Variants in PANX1 observed in about 807,000 individuals in gnomAD.
PANX1 encodes pannexin 1.
A neutral mutation model predicts 38.7 loss-of-function variants in PANX1; 30 were observed. The ratio of observed to expected loss-of-function variants is 0.78; its 90% CI spans 0.58 to 1.05. The LOEUF is 1.05. Among genes scored for constraint, PANX1 ranks in the 50% least tolerant of loss-of-function variants. PANX1 has a pLI of 0.00. For missense variants in PANX1, 551 were observed against 517.2 expected, an observed-to-expected ratio of 1.07 and a Z score of -0.63; for synonymous variants, 230 against 212.2, an observed-to-expected ratio of 1.08 and a Z score of -0.73.
intron 2 of PANX1, among the ~76,000 whole-genome samples, chr11:94,162,537 CTGGTG>C (rs1947056217): frequency 1.3e-5 from 2 of 152,226 alleles, no homozygotes. Flanking sequence ...ATATAATCTT[CTGGTG>C]TGCCATTTGC....
chr11:94,155,980 T>C (rs888583486), intron 2 of PANX1, among the ~76,000 whole-genome samples: 1 of 152,220 alleles, frequency 6.6e-6, no homozygotes, highest in Non-Finnish European at 1.5e-5. Context: ...TGTTGTAGTT[T>C]AAGTTCGTTT....
At chr11:94,131,756 A>G (rs2134470288) in intron 1 of PANX1, among the ~76,000 whole-genome samples, 1 of 152,328 alleles carries the variant, frequency 6.6e-6, no homozygotes, top group South Asian at 2.1e-4. Flanking sequence ...AGAAGAGGGG[A>G]GAGGTACATA....
At chr11:94,148,803 A>G (rs1946853135) in intron 1 of PANX1, among the ~76,000 whole-genome samples, 1 of 152,212 alleles carries the variant, frequency 6.6e-6, no homozygotes, top group Non-Finnish European at 1.5e-5. Context: ...TATAATCATC[A>G]TCATATTCTC....
At chr11:94,160,850 C>T (rs1410365657) in intron 2 of PANX1, among the ~76,000 whole-genome samples, 7 of 152,136 alleles carry the variant, frequency 4.6e-5, no homozygotes, top group African/African-American at 1.7e-4. Context: ...CATTTTTTTG[C>T]ATTGGCTGGT....
intron 2 of PANX1, among the ~76,000 whole-genome samples, chr11:94,164,878 A>ACAATTGTTACACCCTCTTAGTGAATTGAT (rs1947085609): frequency 2.0e-5 from 3 of 152,172 alleles, no homozygotes; most frequent in Non-Finnish European, 4.4e-5. Flanking sequence ...TTATATATTT[A>ACAATTGTTACACCCTCTTAGTGAATTGAT]CAATTGTTAC....
intron 2 of PANX1, among the ~76,000 whole-genome samples, chr11:94,162,660 G>A (rs937457711): frequency 1.3e-5 from 2 of 152,080 alleles, no homozygotes; most frequent in South Asian, 2.1e-4. Flanking sequence ...GACCCCTTGC[G>A]CTTCCCGGGT....
rs376331286 is a variant in PANX1, at chr11:94,129,280, G to A, written c.-33G>A. 260 of 1,577,068 alleles carry A rather than the reference G, an allele frequency of 1.6e-4. No individual in the cohort carries two copies. Among genetic ancestry groups the A allele is most frequent in the Non-Finnish European group, 2.2e-4 (253 of 1,154,122 alleles). On this transcript the variant is annotated 5_prime_UTR_variant, in exon 1 of 5. Coordinates refer to ENST00000227638, the MANE Select transcript of PANX1 (RefSeq NM_015368.4). ...AGCTTTCCCGACGCCGGCTGTACCCGGACCTCCTGGTCGAGCCTGGCGCGC... is the reference window on the plus strand; with the variant it reads ...AGCTTTCCCGACGCCGGCTGTACCCAGACCTCCTGGTCGAGCCTGGCGCGC...
chr11:94,138,253 G>A, intron 1 of PANX1, among the ~76,000 whole-genome samples: 1 of 152,132 alleles, frequency 6.6e-6, no homozygotes, highest in Admixed American at 6.6e-5. Context: ...GTGAACAAAG[G>A]TGTGCCATTG....
At chr11:94,130,203 G>C (rs1437339174) in intron 1 of PANX1, among the ~76,000 whole-genome samples, 1 of 152,202 alleles carries the variant, frequency 6.6e-6, no homozygotes, top group Non-Finnish European at 1.5e-5. Context: ...ACAGGAGAGA[G>C]TGTTTATGAA....
At chr11:94,164,724 A>G (rs1947083690) in intron 2 of PANX1, among the ~76,000 whole-genome samples, 1 of 152,188 alleles carries the variant, frequency 6.6e-6, no homozygotes, top group South Asian at 2.1e-4. Context: ...CTTGAGCCTG[A>G]TATTTCTTTA....
At chr11:94,134,341 A>G (rs1282238732) in intron 1 of PANX1, among the ~76,000 whole-genome samples, 1 of 152,234 alleles carries the variant, frequency 6.6e-6, no homozygotes, top group Non-Finnish European at 1.5e-5. Flanking sequence ...GGAGAGGTTT[A>G]GGAAATGGCT....
intron 2 of PANX1, among the ~76,000 whole-genome samples, chr11:94,163,147 C>G (rs185574243): frequency 2.6e-5 from 4 of 152,276 alleles, no homozygotes; most frequent in Non-Finnish European, 5.9e-5. Flanking sequence ...CCACACCTGG[C>G]TTATTTTTCT....
chr11:94,168,882 T>C (rs771941523), intron 2 of PANX1, among the ~76,000 whole-genome samples: 1 of 151,634 alleles, frequency 6.6e-6, no homozygotes, highest in Non-Finnish European at 1.5e-5. Context: ...CAAGATGTGC[T>C]GATTGGACAT....
In PANX1 at chr11:94,175,087, T is replaced by C. The variant is rs139710289; in HGVS notation, c.322-3282T>C. ...GAGCATCCCAGGCCTAATGTGGAGT[T>C]GACACAGCTTATGAACAAAGCTGTT... On this transcript the variant is annotated intron_variant, in intron 2 of 4. Transcript: ENST00000227638. Among the ~76,000 whole-genome samples, 1,277 of 151,852 alleles carry C rather than the reference T, an allele frequency of 8.4e-3. 66 individuals carry two copies. The highest frequency in any genetic ancestry group is 0.029 in the African/African-American group (1,210 of 41,124).
At chr11:94,142,510 C>G (rs995730915) in intron 1 of PANX1, among the ~76,000 whole-genome samples, 1 of 152,202 alleles carries the variant, frequency 6.6e-6, no homozygotes, top group Non-Finnish European at 1.5e-5. Flanking sequence ...AATGGGCTGT[C>G]AGCTTTAAGG....
At chr11:94,160,229 G>C (rs1209714949) in intron 2 of PANX1, among the ~76,000 whole-genome samples, 2 of 152,184 alleles carry the variant, frequency 1.3e-5, no homozygotes, top group African/African-American at 4.8e-5. Context: ...CAGTTCTGTA[G>C]ATGTCTATTA....
intron 1 of PANX1, among the ~76,000 whole-genome samples, chr11:94,142,924 T>TG (rs1350288792): frequency 6.6e-6 from 1 of 152,232 alleles, no homozygotes; most frequent in East Asian, 1.9e-4. Context: ...GATGAAAAAG[T>TG]GTGGATGTCC....
At chr11:94,170,787 C>CTGTG (rs1267648894) in intron 2 of PANX1, among the ~76,000 whole-genome samples, 4 of 151,722 alleles carry the variant, frequency 2.6e-5, no homozygotes, top group Non-Finnish European at 5.9e-5. Context: ...GTTCTAACTT[C>CTGTG]TGTGGCTTGA....
chr11:94,147,747 G>A (rs1020966309), intron 1 of PANX1, among the ~76,000 whole-genome samples: 7 of 152,160 alleles, frequency 4.6e-5, no homozygotes, highest in Non-Finnish European at 8.8e-5. Context: ...CATGGACCAC[G>A]CGTTTGGCAG....
Sources: gnomAD v4.1 joint callset for allele counts (sites outside exome capture counted in the v4.1 genomes callset) on GRCh38, gnomAD v4.1.1 for gene constraint, MANE v1.5 for transcripts, NCBI Gene and HGNC (gene_info 2026-07-23, HGNC 2026-07-21) for gene names.